The following KCNK2 variants were observed in gnomAD, a reference collection of about 807,000 sequenced individuals.
KCNK2 encodes potassium two pore domain channel subfamily K member 2.
KCNK2 carries 21 observed loss-of-function variants against 40.5 expected under a neutral mutation model. The ratio of observed to expected loss-of-function variants is 0.52; its 90% CI spans 0.37 to 0.75. The LOEUF (loss-of-function observed/expected upper bound fraction) is 0.75, where lower values mean the gene tolerates loss of function less well. KCNK2 is among the 30% of genes least tolerant of loss of function. The pLI, the probability that KCNK2 is intolerant of heterozygous loss-of-function variation, is 0.00. For synonymous variants in KCNK2, 191 were observed against 202.2 expected, an observed-to-expected ratio of 0.94 and a Z score of 0.47; for missense variants, 399 against 531.6, an observed-to-expected ratio of 0.75 and a Z score of 2.45.
chr1:215,110,124 A>T (rs964422738), intron 2 of KCNK2, among the ~76,000 whole-genome samples: 1 of 152,030 alleles, frequency 6.6e-6, no homozygotes, highest in African/African-American at 2.4e-5. Context: ...CCCTTGTTGG[A>T]TGAATAGTTT....
chr1:215,094,683 G>A (rs1054173316), intron 2 of KCNK2, among the ~76,000 whole-genome samples: 1 of 151,860 alleles, frequency 6.6e-6, no homozygotes, highest in African/African-American at 2.4e-5. Flanking sequence ...TAATAATTAG[G>A]TTTTTATTAT....
chr1:215,023,881 G>A (rs991159434), intron 1 of KCNK2, among the ~76,000 whole-genome samples: 1 of 151,988 alleles, frequency 6.6e-6, no homozygotes, highest in Non-Finnish European at 1.5e-5. Context: ...GTTTTGCTTT[G>A]TCTCCCCTCC....
At chr1:215,086,281 C>G (rs750706969) in intron 1 of KCNK2, 87 bp from the exon 2 acceptor site, 22 of 1,106,574 alleles carry the variant, frequency 2.0e-5, no homozygotes, top group Non-Finnish European at 2.9e-5. Flanking sequence ...GGAATTCAAT[C>G]AACCTTCTCT....
chr1:215,117,345 T>C (rs1051645562), intron 2 of KCNK2, among the ~76,000 whole-genome samples: 12 of 152,130 alleles, frequency 7.9e-5, no homozygotes, highest in African/African-American at 2.4e-4. Context: ...ACAATCACTC[T>C]GTGTTCTCTC....
intron 6 of KCNK2, among the ~76,000 whole-genome samples, chr1:215,221,564 A>G (rs1227185929): frequency 6.6e-6 from 1 of 152,018 alleles, no homozygotes; most frequent in African/African-American, 2.4e-5. Context: ...GAGAAAATAT[A>G]TTTACTATTA....
At chr1:215,104,563 A>C (rs1341884203) in intron 2 of KCNK2, among the ~76,000 whole-genome samples, 3 of 152,050 alleles carry the variant, frequency 2.0e-5, no homozygotes, top group African/African-American at 7.2e-5. Context: ...GAAACGTCTC[A>C]GAATTTTAGA....
intron 3 of KCNK2, among the ~76,000 whole-genome samples, chr1:215,163,406 T>C (rs968505967): frequency 2.0e-5 from 3 of 152,172 alleles, no homozygotes; most frequent in Admixed American, 1.3e-4. Context: ...TGAATACCCT[T>C]TATTTCTTTC....
intron 3 of KCNK2, among the ~76,000 whole-genome samples, chr1:215,143,739 T>C (rs1662288164): frequency 6.6e-6 from 1 of 152,122 alleles, no homozygotes; most frequent in Non-Finnish European, 1.5e-5. Context: ...CAGACCTGTA[T>C]TGAATTACAT....
At chr1:215,118,862 C>A (rs908296560) in intron 2 of KCNK2, among the ~76,000 whole-genome samples, 2 of 152,046 alleles carry the variant, frequency 1.3e-5, no homozygotes, top group African/African-American at 4.8e-5. Context: ...TAAAAGTGTT[C>A]AAATTATTAA....
At chr1:215,121,964 T>C (rs1661207928) in intron 2 of KCNK2, among the ~76,000 whole-genome samples, 1 of 152,216 alleles carries the variant, frequency 6.6e-6, no homozygotes, top group Admixed American at 6.5e-5. Context: ...AGATCTTTGA[T>C]ATCTTCATTA....
chr1:215,083,210 T>TCCCCCCCCC lies in KCNK2; in HGVS notation c.-173_-172insCCCCCCCCC. On this transcript the variant is annotated 5_prime_UTR_variant, in exon 1 of 7. Transcript: ENST00000444842. ...TTCTCACGCTCCCCCCCCCGCCCCC[T>TCCCCCCCCC]CCCGCGTCCAGCCCCGCTCTCCCCA... is the stretch of plus-strand genomic sequence containing the variant. 1 of 391,890 alleles carries TCCCCCCCCC rather than the reference T, an allele frequency of 2.6e-6. No individual in the cohort carries two copies. Among genetic ancestry groups the TCCCCCCCCC allele is most frequent in the Non-Finnish European group, 4.0e-6 (1 of 251,276 alleles). The allele number at this position is 391,890 out of a possible 1,614,324, so 24.3% of individuals were successfully genotyped here.
intron 5 of KCNK2, among the ~76,000 whole-genome samples, chr1:215,182,885 G>A (rs1351920989): frequency 6.6e-6 from 1 of 152,120 alleles, no homozygotes; most frequent in Non-Finnish European, 1.5e-5. Flanking sequence ...TAGTTCCAGG[G>A]CTTGGGAGAA....
At chr1:215,016,408 A>G (rs1349550067) in intron 1 of KCNK2, among the ~76,000 whole-genome samples, 1 of 152,190 alleles carries the variant, frequency 6.6e-6, no homozygotes, top group Non-Finnish European at 1.5e-5. Context: ...AAAAACAGAC[A>G]CATACACCAA....
chr1:215,074,989 A>G lies in KCNK2; in HGVS notation c.35-11379A>G, dbSNP rs371770733. Among the ~76,000 whole-genome samples, 13 of 152,324 alleles carry G rather than the reference A, an allele frequency of 8.5e-5. No individual in the cohort carries two copies. The East Asian group carries it at 1.3e-3, about 16-fold the overall frequency. Reference sequence around the variant, plus strand: ...TTTTATTATAATGCCCTTATTCAATATCTTATTCTCTGTTGGGCAAAGTTA... The same window carrying G: ...TTTTATTATAATGCCCTTATTCAATGTCTTATTCTCTGTTGGGCAAAGTTA... On this transcript the variant is annotated intron_variant, in intron 1 of 6. Transcript: ENST00000391895.
At chr1:215,083,621 C>A (rs969104452) in intron 1 of KCNK2, 190 bp downstream of exon 1, 5 of 603,152 alleles carry the variant, frequency 8.3e-6, no homozygotes, top group African/African-American at 7.4e-5. Context: ...CGCCGCTTCT[C>A]CCCCCTCTCC....
At chr1:215,026,241 T>C (rs1187645997) in intron 1 of KCNK2, among the ~76,000 whole-genome samples, 1 of 152,070 alleles carries the variant, frequency 6.6e-6, no homozygotes, top group Non-Finnish European at 1.5e-5. Flanking sequence ...CATATAATTG[T>C]AGCTTTTAAA....
chr1:215,111,073 T>C (rs747864101), intron 2 of KCNK2, among the ~76,000 whole-genome samples: 2 of 152,166 alleles, frequency 1.3e-5, no homozygotes, highest in Non-Finnish European at 2.9e-5. Flanking sequence ...TGTCATATAG[T>C]TGGAATTATA....
At chr1:215,115,158 G>A (rs1303990750) in intron 2 of KCNK2, among the ~76,000 whole-genome samples, 1 of 151,946 alleles carries the variant, frequency 6.6e-6, no homozygotes, top group Non-Finnish European at 1.5e-5. Context: ...TAAAAATATT[G>A]CCTTTCTGTG....
chr1:215,083,323 T>A lies in KCNK2; in HGVS notation c.-63T>A, dbSNP rs1025150623. 10 of 1,612,490 alleles carry A rather than the reference T, an allele frequency of 6.2e-6. No homozygotes were observed. Among genetic ancestry groups the A allele is most frequent in the Admixed American group, 3.3e-5 (2 of 59,940 alleles). On this transcript the variant is annotated 5_prime_UTR_variant, in exon 1 of 7. Coordinates refer to ENST00000444842, the MANE Select transcript of KCNK2 (RefSeq NM_001017425.3). ...TGAATAAGAAGTGAGTACAATGGCG[T>A]GTTTGTAAAAAAAAGCTTCAAGTCC...
Sources: allele counts gnomAD v4.1 joint callset (sites outside exome capture counted in the v4.1 genomes callset), GRCh38; gene constraint gnomAD v4.1.1; transcripts MANE v1.5; gene names NCBI Gene and HGNC (gene_info 2026-07-23, HGNC 2026-07-21).